Variants in SEMA3A observed in about 807,000 individuals in gnomAD.
SEMA3A encodes the protein semaphorin 3A, also known as semaphorin-3A.
A neutral mutation model predicts 97.9 loss-of-function variants in SEMA3A; 29 were observed. The observed-to-expected ratio is 0.30, with a 90% CI of 0.22 to 0.40. SEMA3A has a LOEUF of 0.40. SEMA3A is among the 10% of genes least tolerant of loss of function. The pLI is 1.00. For synonymous variants in SEMA3A, 321 were observed against 323.7 expected (o/e 0.99, Z 0.09); for missense variants, 763 against 951.3 (o/e 0.80, Z 2.60).
chr7:84,365,902 A>G (rs1295402441), intron 2 of SEMA3A, among the ~76,000 whole-genome samples: 1 of 151,374 alleles, frequency 6.6e-6, no homozygotes, highest in Non-Finnish European at 1.5e-5. Flanking sequence ...ATTTTATCTT[A>G]AGTTAAATTA....
chr7:84,197,841 G>T (rs1584115582), upstream of SEMA3A, among the ~76,000 whole-genome samples: 1 of 143,320 alleles, frequency 7.0e-6, no homozygotes, highest in Non-Finnish European at 1.5e-5. Context: ...CCGGGTTCAA[G>T]TAATTCTCCC....
intron 3 of SEMA3A, among the ~76,000 whole-genome samples, chr7:84,227,338 T>A (rs1329182065): frequency 1.3e-5 from 2 of 151,978 alleles, no homozygotes; most frequent in Non-Finnish European, 2.9e-5. Context: ...AGATTTGTGA[T>A]CCTAACTTCA....
intron 1 of SEMA3A, among the ~76,000 whole-genome samples, chr7:84,136,926 GAGGA>G (rs1373318105): frequency 6.7e-6 from 1 of 149,656 alleles, no homozygotes; most frequent in Non-Finnish European, 1.5e-5. Flanking sequence ...AGAAGAAGGG[GAGGA>G]AGGAAGGGAG....
intron 6 of SEMA3A, among the ~76,000 whole-genome samples, chr7:84,023,636 C>G (rs1791415115): frequency 6.6e-6 from 1 of 152,122 alleles, no homozygotes; most frequent in South Asian, 2.1e-4. Context: ...CATATAACCC[C>G]ACTGCAGAAA....
At chr7:84,029,850 T>C (rs952858572) in intron 6 of SEMA3A, among the ~76,000 whole-genome samples, 1 of 150,804 alleles carries the variant, frequency 6.6e-6, no homozygotes, top group South Asian at 2.1e-4. Context: ...TTTTAGAAAG[T>C]AGTAATTTGG....
upstream of SEMA3A, among the ~76,000 whole-genome samples, chr7:84,198,937 C>T (rs997839768): frequency 3.3e-5 from 5 of 152,068 alleles, no homozygotes; most frequent in Non-Finnish European, 7.3e-5. Flanking sequence ...ATAGAAGATA[C>T]GTATTAAAGT....
chr7:84,436,775 C>T (rs931147334), intron 1 of SEMA3A, among the ~76,000 whole-genome samples: 1 of 152,196 alleles, frequency 6.6e-6, no homozygotes, highest in East Asian at 1.9e-4. Flanking sequence ...TAGAATGCTT[C>T]TCTTATGCAA....
intron 4 of SEMA3A, among the ~76,000 whole-genome samples, chr7:84,083,767 T>C (rs560534531): frequency 6.6e-6 from 1 of 152,206 alleles, no homozygotes; most frequent in East Asian, 1.9e-4. Context: ...TAACATTTTA[T>C]ATAATCCATC....
At chr7:84,116,613 G>A (rs1180806460) in intron 3 of SEMA3A, among the ~76,000 whole-genome samples, 2 of 152,102 alleles carry the variant, frequency 1.3e-5, no homozygotes, top group African/African-American at 4.8e-5. Context: ...AAGTTAAAAT[G>A]AGGCCCTTAG....
intron 3 of SEMA3A, among the ~76,000 whole-genome samples, chr7:84,231,528 A>C (rs1275623878): frequency 6.6e-6 from 1 of 152,002 alleles, no homozygotes; most frequent in Non-Finnish European, 1.5e-5. Flanking sequence ...CAACTAAAAT[A>C]AAATGAGACT....
At chr7:84,100,494 A>G (rs1340304946) in intron 4 of SEMA3A, among the ~76,000 whole-genome samples, 1 of 152,160 alleles carries the variant, frequency 6.6e-6, no homozygotes, top group Non-Finnish European at 1.5e-5. Context: ...AGATTTTGTG[A>G]TAATTAAGTA....
At chr7:84,007,198 C>T (rs2116401617) in intron 10 of SEMA3A, among the ~76,000 whole-genome samples, 155 bp downstream of exon 10, 1 of 152,266 alleles carries the variant, frequency 6.6e-6, no homozygotes, top group African/African-American at 2.4e-5. Flanking sequence ...AAATTTCATT[C>T]AATCATGGAA....
At chr7:84,299,054 T>C (rs1165087699) in intron 3 of SEMA3A, among the ~76,000 whole-genome samples, 3 of 152,010 alleles carry the variant, frequency 2.0e-5, no homozygotes, top group African/African-American at 7.2e-5. Context: ...GGCCTTCAGC[T>C]ACAGACTGAA....
At chr7:84,051,516 G>A (rs1253470985) in intron 5 of SEMA3A, among the ~76,000 whole-genome samples, 3 of 152,118 alleles carry the variant, frequency 2.0e-5, no homozygotes, top group Non-Finnish European at 2.9e-5. Flanking sequence ...CTGTTTGTCT[G>A]TTGATGGTGT....
intron 9 of SEMA3A, among the ~76,000 whole-genome samples, chr7:84,009,927 A>C (rs1790813544): frequency 6.7e-6 from 1 of 148,810 alleles, no homozygotes; most frequent in Non-Finnish European, 1.5e-5. Flanking sequence ...AAAAAAAAAA[A>C]ACCCAGTCAT....
chr7:83,967,559 G>A (rs10246414), intron 15 of SEMA3A, among the ~76,000 whole-genome samples: 40,661 of 151,904 alleles, frequency 0.27, 5,692 homozygotes, highest in Middle Eastern at 0.37. Flanking sequence ...GTTCAAGAAC[G>A]GCCTGGCCAA....
intron 3 of SEMA3A, among the ~76,000 whole-genome samples, chr7:84,226,442 C>T (rs1415181634): frequency 1.3e-5 from 2 of 151,994 alleles, no homozygotes; most frequent in African/African-American, 4.8e-5. Context: ...AATTTGTCTA[C>T]AATAAAATTA....
intron 3 of SEMA3A, among the ~76,000 whole-genome samples, chr7:84,238,500 GGAGT>G (rs1262066196): frequency 6.6e-6 from 1 of 152,072 alleles, no homozygotes; most frequent in Non-Finnish European, 1.5e-5. Context: ...TTTAAAGAAT[GGAGT>G]GAGGAGAAAT....
chr7:84,045,256 G>C (rs1212881040), intron 6 of SEMA3A, among the ~76,000 whole-genome samples: 2 of 151,928 alleles, frequency 1.3e-5, no homozygotes, highest in African/African-American at 2.4e-5. Context: ...GCATCTTACT[G>C]AGAACATGAC....
Sources: gnomAD v4.1 joint callset for allele counts (sites outside exome capture counted in the v4.1 genomes callset) on GRCh38, gnomAD v4.1.1 for gene constraint, MANE v1.5 for transcripts, NCBI Gene and HGNC (gene_info 2026-07-23, HGNC 2026-07-21) for gene names.